Variants in JMJD1C observed in about 807,000 individuals in gnomAD.
JMJD1C encodes the protein jumonji domain containing 1C, also known as jumonji domain-containing protein 1C.
Under a neutral mutation model 245.3 loss-of-function variants are expected in JMJD1C, and 31 were observed. That is an observed-to-expected ratio of 0.13 (90% CI 0.09 to 0.17). The LOEUF (loss-of-function observed/expected upper bound fraction) is 0.17, where lower values mean the gene tolerates loss of function less well. JMJD1C is among the 10% of genes least tolerant of loss of function. JMJD1C has a pLI of 1.00. For synonymous variants in JMJD1C, 1,057 were observed against 1,017.4 expected (o/e 1.04, Z -0.74); for missense variants, 2,691 against 3,000.2 (o/e 0.90, Z 2.41).
intron 2 of JMJD1C, among the ~76,000 whole-genome samples, chr10:63,362,778 G>C (rs1178027043): frequency 6.6e-6 from 1 of 152,002 alleles, no homozygotes; most frequent in Non-Finnish European, 1.5e-5. Context: ...ATCATGCCTG[G>C]CCTAGTATAT....
rs1855336540 is a variant in JMJD1C at position 63,264,866 on chromosome 10, CAG to C, written c.334-104_334-103del. On this transcript the variant is annotated intron_variant, in intron 2 of 25. Coordinates refer to ENST00000399262, the MANE Select transcript of JMJD1C (RefSeq NM_032776.3). Reference sequence around the variant, plus strand: ...CAATGTATCAATGTCATTATCACTACAGAGTCTTAGGGTACCTAATATTAATT... The same window carrying C: ...CAATGTATCAATGTCATTATCACTACAGTCTTAGGGTACCTAATATTAATT... 4.5e-5 allele frequency: 28 copies of C among 625,768 alleles called. No homozygotes were observed. In the South Asian group the frequency reaches 5.0e-4, roughly 11 times the overall value. 38.8% of individuals were successfully genotyped at this position (625,768 alleles called of 1,614,324 possible). A position where few individuals can be genotyped will look rare whatever the true frequency, so the allele number is the denominator to read the frequency against.
intron 2 of JMJD1C, among the ~76,000 whole-genome samples, chr10:63,300,269 C>T (rs1859922070): frequency 6.6e-6 from 1 of 152,138 alleles, no homozygotes; most frequent in Non-Finnish European, 1.5e-5. Flanking sequence ...TTCAGAGTGA[C>T]AAACTATCCT....
chr10:63,357,021 T>C (rs1944902239), intron 2 of JMJD1C, among the ~76,000 whole-genome samples: 1 of 151,906 alleles, frequency 6.6e-6, no homozygotes. Context: ...GAACTAGTAA[T>C]AATATATTAC....
At chr10:63,490,348 TATTC>T (rs1289771771) in intron 1 of JMJD1C, among the ~76,000 whole-genome samples, 1 of 152,070 alleles carries the variant, frequency 6.6e-6, no homozygotes, top group African/African-American at 2.4e-5. Context: ...ACTCCTCAGT[TATTC>T]TTTCTTTCTT....
At chr10:63,521,460 C>A in intron 1 of JMJD1C, 1 of 883,530 alleles carries the variant, frequency 1.1e-6, no homozygotes, top group Non-Finnish European at 1.5e-6. Flanking sequence ...GAGGAGCCGG[C>A]GAAGCGCGCG....
At chr10:63,419,283 A>C (rs540275670) in intron 1 of JMJD1C, among the ~76,000 whole-genome samples, 53 of 151,938 alleles carry the variant, frequency 3.5e-4, no homozygotes, top group African/African-American at 1.2e-3. Flanking sequence ...GCTACTCGAG[A>C]GTCTGAGGCA....
chr10:63,316,700 G>A (rs1487267967), intron 2 of JMJD1C, among the ~76,000 whole-genome samples: 2 of 151,854 alleles, frequency 1.3e-5, no homozygotes, highest in South Asian at 4.2e-4. Context: ...CGCCCACCTC[G>A]GCCTCCCAAA....
intron 1 of JMJD1C, among the ~76,000 whole-genome samples, chr10:63,456,315 T>C (rs1485553533): frequency 1.3e-5 from 2 of 152,138 alleles, no homozygotes; most frequent in Non-Finnish European, 2.9e-5. Context: ...AATAATAGTA[T>C]AATGTTATTC....
At chr10:63,351,669 A>G (rs932045335) in intron 2 of JMJD1C, among the ~76,000 whole-genome samples, 2 of 152,184 alleles carry the variant, frequency 1.3e-5, no homozygotes, top group African/African-American at 2.4e-5. Flanking sequence ...CATGCAAAGA[A>G]GACTAACAAG....
intron 2 of JMJD1C, among the ~76,000 whole-genome samples, chr10:63,275,470 G>C (rs943967126): frequency 1.3e-5 from 2 of 152,132 alleles, no homozygotes; most frequent in Admixed American, 6.6e-5. Context: ...AAATAAGCAG[G>C]ATTAGGAGGA....
rs376306962 is a variant in JMJD1C, at chr10:63,493,361, A to C, written n.113+28377T>G. ...ACTGAAACCTCCACCTCCTTGGTTCAAGCGATTCTCCTGCCTCTGCCTCAT... is the reference window on the plus strand; with the variant it reads ...ACTGAAACCTCCACCTCCTTGGTTCCAGCGATTCTCCTGCCTCTGCCTCAT... On this transcript the variant is annotated intron_variant and non_coding_transcript_variant, in intron 1 of 3. Coordinates refer to the JMJD1C transcript ENST00000633035. 1.4e-4 allele frequency among the ~76,000 whole-genome samples: 20 copies of C among 139,372 alleles called. No homozygotes were observed. The East Asian group carries it at 3.7e-3, about 26-fold the overall frequency. The allele number at this position is 139,372 out of a possible 152,430, so 91.4% of individuals were successfully genotyped here.
intron 1 of JMJD1C, among the ~76,000 whole-genome samples, chr10:63,476,695 C>G (rs779288885): frequency 6.6e-6 from 1 of 152,158 alleles, no homozygotes; most frequent in Non-Finnish European, 1.5e-5. Context: ...CACCACTGCA[C>G]TCCAGCCTGG....
Position 63,214,976 on chromosome 10 carries a change from T to C in JMJD1C, c.1191A>G (p.Pro397=), listed in dbSNP as rs1589169670. The change falls in exon 8 of 26, where the codon CCA becomes CCG. Residue 397 remains proline, a synonymous_variant. Coordinates refer to ENST00000399262, the MANE Select transcript of JMJD1C (RefSeq NM_032776.3). ...RIIDNSSEQK[P]ENELKNKNTS... Reference sequence around the variant, plus strand: ...TATTTTTATTTTTCAATTCATTCTCTGGCTTCTGTTCTGAGGAATTATCTA... The same window carrying C: ...TATTTTTATTTTTCAATTCATTCTCCGGCTTCTGTTCTGAGGAATTATCTA... The C allele has an allele frequency of 6.3e-7, 1 of 1,598,854 alleles. No homozygotes were observed. The highest frequency in any genetic ancestry group is 8.5e-7 in the Non-Finnish European group (1 of 1,172,382).
In JMJD1C at chr10:63,206,679, T is replaced by A. The variant is rs746837241; in HGVS notation, c.4990A>T (p.Ile1664Leu). 4 of 1,613,704 alleles carry A rather than the reference T, an allele frequency of 2.5e-6. No homozygotes were observed. In the Admixed American group the frequency reaches 6.7e-5, roughly 27 times the overall value. ...QNDLQKRKGEIEEDLKPNGVL... is the reference protein window; with the variant it reads ...QNDLQKRKGELEEDLKPNGVL... ...CCATTGGGTTTCAAATCTTCTTCTA[T>A]TTCACCTTTTCTCTTTTGCAAATCA... The change falls in exon 10 of 26, where the codon ATA becomes TTA. Residue 1664 changes from isoleucine (I) to leucine (L), a missense_variant. By Grantham distance (5) the Ile-to-Leu change is conservative (BLOSUM62 2). This residue lies in a region of JMJD1C where 144 missense variants were observed against 143.3 expected (regional missense o/e 1.00). Transcript: ENST00000399262.
intron 22 of JMJD1C, among the ~76,000 whole-genome samples, chr10:63,182,464 TG>T (rs1301571261): frequency 1.3e-5 from 2 of 152,080 alleles, no homozygotes; most frequent in African/African-American, 4.8e-5. Context: ...TGAGCTGAAA[TG>T]TAAAAGGAAA....
rs146310607 is a variant in JMJD1C at position 63,515,852 on chromosome 10, A to C, written n.113+5886T>G. 3.3e-3 allele frequency among the ~76,000 whole-genome samples: 496 copies of C among 152,290 alleles called. 2 individuals carry two copies. Among genetic ancestry groups the C allele is most frequent in the African/African-American group, 0.012 (481 of 41,564 alleles). ...GAAGATATATACCCAAAAATCAGAC[A>C]AAAAACCCTCTGTCAGGTTTTACAA... On this transcript the variant is annotated intron_variant and non_coding_transcript_variant, in intron 1 of 3. Coordinates refer to the JMJD1C transcript ENST00000633035.
At chr10:63,420,603 G>T (rs545282304) in intron 1 of JMJD1C, among the ~76,000 whole-genome samples, 4 of 151,352 alleles carry the variant, frequency 2.6e-5, no homozygotes, top group Admixed American at 2.6e-4. Flanking sequence ...TACATGGGGG[G>T]TGGGGGGCGC....
At chr10:63,324,455 G>A (rs1324219347) in intron 2 of JMJD1C, among the ~76,000 whole-genome samples, 1 of 152,154 alleles carries the variant, frequency 6.6e-6, no homozygotes, top group Non-Finnish European at 1.5e-5. Context: ...GAAAGTTCCT[G>A]CAGACGGAGA....
In JMJD1C at chr10:63,422,629, G is replaced by C. The variant is rs537064729; in HGVS notation, c.169-42147C>G. Among the ~76,000 whole-genome samples, 3 of 152,068 alleles carry C rather than the reference G, an allele frequency of 2.0e-5. No individual in the cohort carries two copies. The South Asian group carries it at 6.2e-4, about 32-fold the overall frequency. On this transcript the variant is annotated intron_variant, in intron 1 of 25. Coordinates refer to ENST00000399262, the MANE Select transcript of JMJD1C (RefSeq NM_032776.3). Reference sequence around the variant, plus strand: ...TAGACCCACTCAATGAACATTAAACGTACTGGACTTCCAAACTATATGCTA... The same window carrying C: ...TAGACCCACTCAATGAACATTAAACCTACTGGACTTCCAAACTATATGCTA...
Sources: allele counts gnomAD v4.1 joint callset (sites outside exome capture counted in the v4.1 genomes callset), GRCh38; gene constraint gnomAD v4.1.1; regional missense constraint gnomAD v4.1.1; transcripts MANE v1.5; gene names NCBI Gene and HGNC (gene_info 2026-07-23, HGNC 2026-07-21).